The following CDH23 variants were observed in gnomAD, a reference collection of about 807,000 sequenced individuals.
CDH23 encodes cadherin-23.
Under a neutral mutation model 317.1 loss-of-function variants are expected in CDH23, and 189 were observed. That is an observed-to-expected ratio of 0.60 (90% CI 0.53 to 0.67). The LOEUF (loss-of-function observed/expected upper bound fraction) is 0.67. Ranked by LOEUF, CDH23 falls within the 30% of genes least tolerant of loss-of-function variation. The pLI, the probability that CDH23 is intolerant of heterozygous loss-of-function variation, is 0.00. For missense variants in CDH23, 4,401 were observed against 4,592.4 expected (o/e 0.96, Z 1.20); for synonymous variants, 1,839 against 1,876.8 (o/e 0.98, Z 0.52).
Position 71,810,501 on chromosome 10 carries a change from C to T in CDH23, c.9009C>T (p.Asn3003=), listed in dbSNP as rs1209528592. 6.2e-7 allele frequency: 1 copy of T among 1,614,014 alleles called. No individual in the cohort carries two copies. Among genetic ancestry groups the T allele is most frequent in the Non-Finnish European group, 8.5e-7 (1 of 1,179,874 alleles). The part of the protein sequence containing the change: ...QFHVDKKGRV[N]FAQTELLIHV... ...ATGTGGACAAGAAGGGCCGGGTGAA[C>T]TTTGCGCAGACAGAACTGCTTATCC... The change falls in exon 62 of 70, where the codon AAC becomes AAT. Residue 3003 remains asparagine, a synonymous_variant. Transcript: ENST00000224721.
intron 3 of CDH23, among the ~76,000 whole-genome samples, chr10:71,468,449 G>A (rs923569185): frequency 1.3e-5 from 2 of 152,164 alleles, no homozygotes; most frequent in African/African-American, 4.8e-5. Context: ...ATCTGTACTA[G>A]CATCCATGAT....
chr10:71,702,241 C>G (rs768485167), intron 23 of CDH23, 30 bp downstream of exon 23: 6 of 1,604,572 alleles, frequency 3.7e-6, no homozygotes, highest in Non-Finnish European at 5.1e-6. Flanking sequence ...CTCACGGCCC[C>G]CACACCTTAG....
At chr10:71,562,133 C>T (rs913848040) in intron 6 of CDH23, among the ~76,000 whole-genome samples, 2 of 151,680 alleles carry the variant, frequency 1.3e-5, no homozygotes, top group African/African-American at 4.9e-5. Context: ...CCAAGCCCCA[C>T]CCCAGACGCC....
Position 71,812,535 on chromosome 10 carries a change from G to GC in CDH23, c.9437dup (p.Glu3147GlyfsTer3). 1 of 1,611,484 alleles carries GC rather than the reference G, an allele frequency of 6.2e-7. No homozygotes were observed. The highest frequency in any genetic ancestry group is 8.5e-7 in the Non-Finnish European group (1 of 1,178,514). ...TCGGAACCTGGAGCTGGCCGCCCAG[G>GC]CGGAGCATGAGGATGACCTACCGGA... On this transcript the variant is annotated frameshift_variant, in exon 67 of 70. Coordinates refer to ENST00000224721, the MANE Select transcript of CDH23 (RefSeq NM_022124.6). LOFTEE classifies it high-confidence loss of function.
intron 3 of CDH23, among the ~76,000 whole-genome samples, chr10:71,506,009 A>T (rs2132182435): frequency 6.6e-6 from 1 of 152,394 alleles, no homozygotes; most frequent in Admixed American, 6.5e-5. Flanking sequence ...TCAATGAATG[A>T]ACAAAATGTG....
At chr10:71,806,332 G>A (rs1803636630) in intron 57 of CDH23, 51 bp downstream of exon 57, 5 of 1,287,996 alleles carry the variant, frequency 3.9e-6, no homozygotes, top group Non-Finnish European at 5.5e-6. Context: ...GGACTCACCT[G>A]CCTGCAAGCA....
At chr10:71,659,959 C>A (rs1467156892) in intron 14 of CDH23, among the ~76,000 whole-genome samples, 1 of 131,614 alleles carries the variant, frequency 7.6e-6, no homozygotes, top group African/African-American at 2.8e-5. Context: ...TCTTTCTTTC[C>A]GTTTTTTTTT....
chr10:71,780,042 G>A (rs146661521), intron 41 of CDH23, among the ~76,000 whole-genome samples: 2 of 152,358 alleles, frequency 1.3e-5, no homozygotes, highest in African/African-American at 4.8e-5. Flanking sequence ...GAGCAGTGGG[G>A]ACTGCGCAGC....
chr10:71,398,749 T>G (rs1297746845), intron 1 of CDH23, among the ~76,000 whole-genome samples: 1 of 152,054 alleles, frequency 6.6e-6, no homozygotes, highest in Admixed American at 6.5e-5. Context: ...TGGTTCTGGC[T>G]GCCAGGGCTG....
At chr10:71,655,817 T>A (rs1863392277) in intron 14 of CDH23, among the ~76,000 whole-genome samples, 1 of 151,834 alleles carries the variant, frequency 6.6e-6, no homozygotes, top group Admixed American at 6.6e-5. Flanking sequence ...GGCACAGAGA[T>A]GGTAAATTAC....
chr10:71,474,497 C>T (rs1851684759), intron 3 of CDH23, among the ~76,000 whole-genome samples: 1 of 152,200 alleles, frequency 6.6e-6, no homozygotes, highest in Non-Finnish European at 1.5e-5. Context: ...TGCCATGTTG[C>T]CTTCTCCTGG....
chr10:71,453,937 A>C (rs951552741), intron 3 of CDH23, among the ~76,000 whole-genome samples: 1 of 152,216 alleles, frequency 6.6e-6, no homozygotes, highest in Non-Finnish European at 1.5e-5. Flanking sequence ...GCTCTACGAA[A>C]AAAAATATAG....
chr10:71,463,672 A>G (rs189510986), intron 3 of CDH23, among the ~76,000 whole-genome samples: 104 of 152,312 alleles, frequency 6.8e-4, no homozygotes, highest in African/African-American at 2.4e-3. Context: ...CTTGTTACCA[A>G]GCATCAGTGG....
chr10:71,657,670 C>G (rs1434141899), intron 14 of CDH23, among the ~76,000 whole-genome samples: 1 of 152,148 alleles, frequency 6.6e-6, no homozygotes, highest in Non-Finnish European at 1.5e-5. Context: ...ACTTCCAGAG[C>G]CTGCTCAGCT....
chr10:71,659,669 G>T (rs1057447528), intron 14 of CDH23, among the ~76,000 whole-genome samples: 1 of 152,192 alleles, frequency 6.6e-6, no homozygotes, highest in Non-Finnish European at 1.5e-5. Context: ...ACACTCTAGT[G>T]TTTTCTGATT....
At chr10:71,772,150 C>A (rs1840700134) in intron 38 of CDH23, among the ~76,000 whole-genome samples, 1 of 152,218 alleles carries the variant, frequency 6.6e-6, no homozygotes, top group African/African-American at 2.4e-5. Flanking sequence ...CTTAGGGCAG[C>A]TGTGTCTGTG....
At chr10:71,609,951 C>CGTGTGTGTGTGT (rs34311857) in intron 9 of CDH23, among the ~76,000 whole-genome samples, 9 of 142,772 alleles carry the variant, frequency 6.3e-5, no homozygotes, top group East Asian at 2.1e-4. Flanking sequence ...AGGACTCCCC[C>CGTGTGTGTGTGT]GTGTGTGTGT....
chr10:71,712,957 G>A, intron 28 of CDH23, 144 bp downstream of exon 28: 1 of 984,582 alleles, frequency 1.0e-6, no homozygotes, highest in Non-Finnish European at 1.6e-6. Flanking sequence ...AGGTGCTGTG[G>A]GGAAAGGGGG....
At chr10:71,586,182 T>C (rs1489327075) in intron 9 of CDH23, among the ~76,000 whole-genome samples, 1 of 152,118 alleles carries the variant, frequency 6.6e-6, no homozygotes, top group Non-Finnish European at 1.5e-5. Context: ...GGCAGCTCTG[T>C]GGGGTTGGGG....
Sources: allele counts gnomAD v4.1 joint callset (sites outside exome capture counted in the v4.1 genomes callset), GRCh38; gene constraint gnomAD v4.1.1; transcripts MANE v1.5; gene names NCBI Gene and HGNC (gene_info 2026-07-23, HGNC 2026-07-21).